RRN3: variants seen among roughly 807,000 people sequenced by gnomAD.
RRN3 encodes the protein RNA polymerase I transcription factor RRN3, also known as RNA polymerase I-specific transcription initiation factor RRN3.
Under a neutral mutation model 82.3 loss-of-function variants are expected in RRN3, and 38 were observed. That is an observed-to-expected ratio of 0.46 (90% CI 0.36 to 0.61). The LOEUF (loss-of-function observed/expected upper bound fraction) is 0.61. RRN3 is among the 20% of genes least tolerant of loss of function. The pLI is 0.00. For missense variants in RRN3, 726 were observed against 793.1 expected (o/e 0.92, Z 1.02); for synonymous variants, 284 against 284.3 (o/e 1.00, Z 0.01).
chr16:15,082,463 A>G (rs2045747901), intron 8 of RRN3, among the ~76,000 whole-genome samples: 2 of 152,240 alleles, frequency 1.3e-5, no homozygotes, highest in East Asian at 1.9e-4. Flanking sequence ...GCTTGAGGTC[A>G]GGAGTTCAAG....
At chr16:15,086,037 T>C in intron 5 of RRN3, 92 bp downstream of exon 5, 2 of 1,130,178 alleles carry the variant, frequency 1.8e-6, no homozygotes, top group Non-Finnish European at 2.5e-6. Context: ...ATCTGGAATC[T>C]TCCATGGTAG....
chr16:15,077,039 G>T, intron 9 of RRN3, among the ~76,000 whole-genome samples: 1 of 151,094 alleles, frequency 6.6e-6, no homozygotes, highest in East Asian at 1.9e-4. Flanking sequence ...GAATACAATG[G>T]CAAGATCTCG....
At chr16:15,071,350 T>C (rs889974525) in intron 12 of RRN3, 99 bp from the exon 13 acceptor site, 7 of 1,110,924 alleles carry the variant, frequency 6.3e-6, no homozygotes, top group African/African-American at 1.6e-5. Flanking sequence ...TAGGGAAAAG[T>C]TCTACTATCT....
In RRN3 at chr16:15,065,369, T is replaced by C. The variant is rs149168742; in HGVS notation, c.1556A>G (p.Lys519Arg). ...VVNFFAAITN[K>R]YQLVFCYTII... is the part of the protein sequence containing the mutation. ...GGTGTAGCAGAAGACGAGCTGGTAC[T>C]TACTGTGGAACAAAAAAACAACACA... The change falls in exon 16 of 18, where the codon AAG becomes AGG. Residue 519 changes from lysine (K) to arginine (R), a missense_variant and splice_region_variant. Around this residue, in one of 4 missense-constraint regions of RRN3, gnomAD observed 81 missense variants for 156.4 expected, o/e 0.52. Coordinates refer to ENST00000198767, the MANE Select transcript of RRN3 (RefSeq NM_018427.5). 32 of 1,612,694 alleles carry C rather than the reference T, an allele frequency of 2.0e-5. No homozygotes were observed. Among genetic ancestry groups the C allele is most frequent in the Middle Eastern group, 1.6e-4 (1 of 6,070 alleles).
At chr16:15,084,760 C>T (rs1167853198) in intron 6 of RRN3, 55 bp from the exon 7 acceptor site, 95 of 1,217,226 alleles carry the variant, frequency 7.8e-5, no homozygotes, top group South Asian at 2.4e-4. Flanking sequence ...AAGGGCGACA[C>T]GCTTGAAGCT....
At chr16:15,093,696 A>G (rs1383808931) in intron 1 of RRN3, among the ~76,000 whole-genome samples, 6 of 152,254 alleles carry the variant, frequency 3.9e-5, no homozygotes, top group Non-Finnish European at 1.5e-5. Context: ...GGATTTTAAA[A>G]GTGGAGCAAA....
At chr16:15,081,422 G>C (rs2045698651) in intron 8 of RRN3, among the ~76,000 whole-genome samples, 1 of 152,040 alleles carries the variant, frequency 6.6e-6, no homozygotes, top group South Asian at 2.1e-4. Flanking sequence ...CATCCTTGTG[G>C]GCATGAAGTG....
chr16:15,067,193 C>T (rs2045017204), intron 15 of RRN3, among the ~76,000 whole-genome samples: 1 of 151,974 alleles, frequency 6.6e-6, no homozygotes, highest in South Asian at 2.1e-4. Flanking sequence ...TGACGGAGCT[C>T]AGCAAGCTGT....
At chr16:15,065,074 G>A in intron 16 of RRN3, 145 bp downstream of exon 16, 1 of 741,376 alleles carries the variant, frequency 1.3e-6, no homozygotes, top group Non-Finnish European at 2.2e-6. Flanking sequence ...GCTGAGTCAG[G>A]AGAATGGTGT....
Position 15,060,162 on chromosome 16 carries a change from T to C in RRN3, c.*1582A>G. 2.4e-6 allele frequency: 1 copy of C among 423,420 alleles called. No homozygotes were observed. Among genetic ancestry groups the C allele is most frequent in the Non-Finnish European group, 4.7e-6 (1 of 214,204 alleles). The allele number at this position is 423,420 out of a possible 1,614,324, so 26.2% of individuals were successfully genotyped here. ...AAACAGACTTATATGTAAATGTCTTTCTACATTAAAACTACTTCCCAACCC... is the reference window on the plus strand; with the variant it reads ...AAACAGACTTATATGTAAATGTCTTCCTACATTAAAACTACTTCCCAACCC... On this transcript the variant is annotated 3_prime_UTR_variant, in exon 18 of 18. Transcript: ENST00000198767.
At chr16:15,080,195 T>C (rs1295633483) in intron 8 of RRN3, 99 bp from the exon 9 acceptor site, 10 of 1,433,848 alleles carry the variant, frequency 7.0e-6, no homozygotes, top group Middle Eastern at 2.6e-4. Flanking sequence ...GTTTCAAATA[T>C]TTAAAAAGAA....
chr16:15,082,533 T>C (rs1216744270), intron 8 of RRN3, among the ~76,000 whole-genome samples: 1 of 151,816 alleles, frequency 6.6e-6, no homozygotes, highest in Non-Finnish European at 1.5e-5. Flanking sequence ...ATTAGCGGGG[T>C]GTGGTGCCCC....
rs1280178110 is a variant in RRN3 at position 15,060,065 on chromosome 16, G to C, written c.*1679C>G. ...AGGTACCTTTTATTGGTATAAGAAC[G>C]TAAGTTCCAGATTAACCATGTCATT... On this transcript the variant is annotated 3_prime_UTR_variant, in exon 18 of 18. Transcript: ENST00000198767. 3.7e-6 allele frequency: 1 copy of C among 267,232 alleles called. No homozygotes were observed. The highest frequency in any genetic ancestry group is 2.3e-5 in the African/African-American group (1 of 42,980). The allele number at this position is 267,232 out of a possible 1,614,324, so 16.6% of individuals were successfully genotyped here.
chr16:15,091,650 G>A (rs569492157), intron 2 of RRN3, among the ~76,000 whole-genome samples: 2 of 152,074 alleles, frequency 1.3e-5, no homozygotes, highest in African/African-American at 4.8e-5. Context: ...TTCTCAAAAA[G>A]CATGAGGGAA....
At chr16:15,082,194 A>G (rs553460777) in intron 8 of RRN3, among the ~76,000 whole-genome samples, 2 of 152,220 alleles carry the variant, frequency 1.3e-5, no homozygotes, top group Non-Finnish European at 2.9e-5. Context: ...TCTTTCACCA[A>G]TGAATATGAT....
chr16:15,087,553 T>C (rs1012808486), intron 3 of RRN3, among the ~76,000 whole-genome samples: 1 of 152,134 alleles, frequency 6.6e-6, no homozygotes, highest in Admixed American at 6.5e-5. Context: ...GCCATATCCA[T>C]GTGTCAAACT....
chr16:15,094,263 C>G lies in RRN3; in HGVS notation c.-30G>C. 3.3e-6 allele frequency: 5 copies of G among 1,513,644 alleles called. No homozygotes were observed. Among genetic ancestry groups the G allele is most frequent in the South Asian group, 1.2e-5 (1 of 83,262 alleles). The allele number at this position is 1,513,644 out of a possible 1,614,324, so 93.8% of individuals were successfully genotyped here. A position where few individuals can be genotyped will look rare whatever the true frequency, so the allele number is the denominator to read the frequency against. Reference sequence around the variant, plus strand: ...CCGAACTAACGCGACCGCTGCGCCTCAGGCCGGATGCCCAGCTCCTTCCAG... The same window carrying G: ...CCGAACTAACGCGACCGCTGCGCCTGAGGCCGGATGCCCAGCTCCTTCCAG... On this transcript the variant is annotated 5_prime_UTR_variant, in exon 1 of 18. Coordinates refer to ENST00000198767, the MANE Select transcript of RRN3 (RefSeq NM_018427.5).
In RRN3 at chr16:15,071,224, G is replaced by A; in HGVS notation, c.1156C>T (p.Leu386Phe). The A allele has an allele frequency of 1.9e-6, 3 of 1,610,556 alleles. No homozygotes were observed. The highest frequency in any genetic ancestry group is 2.5e-6 in the Non-Finnish European group (3 of 1,179,378). The part of the protein sequence containing the change: ...LGFAEAFLEH[L>F]WKKLQDPSNP... ...CTTGGGTCCTGCAATTTTTTCCAGA[G>A]ATGTTCCAAAAATGCCTCTGCGAAT... The change falls in exon 13 of 18, where the codon CTC (leucine) becomes TTC (phenylalanine). Residue 386 changes from leucine (L) to phenylalanine (F), a missense_variant. By Grantham distance (22) the Leu-to-Phe change is conservative. Around this residue, in one of 4 missense-constraint regions of RRN3, gnomAD observed 344 missense variants for 394.5 expected, o/e 0.87. Coordinates refer to ENST00000198767, the MANE Select transcript of RRN3 (RefSeq NM_018427.5).
chr16:15,061,966 A>C, intron 17 of RRN3, 61 bp from the exon 18 acceptor site: 2 of 1,487,372 alleles, frequency 1.3e-6, no homozygotes, highest in Non-Finnish European at 9.3e-7. Context: ...GCTTTCAACA[A>C]TTCCTTCCTC....
Sources: gnomAD v4.1 joint callset for allele counts (sites outside exome capture counted in the v4.1 genomes callset) on GRCh38, gnomAD v4.1.1 for gene constraint, gnomAD v4.1.1 regional missense constraint, MANE v1.5 for transcripts, NCBI Gene and HGNC (gene_info 2026-07-23, HGNC 2026-07-21) for gene names.